The following AGTPBP1 variants were observed in gnomAD, a reference collection of about 807,000 sequenced individuals.
AGTPBP1 encodes the protein ATP/GTP binding carboxypeptidase 1, also known as cytosolic carboxypeptidase 1.
Under a neutral mutation model 143.9 loss-of-function variants are expected in AGTPBP1, and 70 were observed. The ratio of observed to expected loss-of-function variants is 0.49; its 90% CI spans 0.40 to 0.59. The LOEUF (loss-of-function observed/expected upper bound fraction) is 0.59. AGTPBP1 is among the 20% of genes least tolerant of loss of function. The pLI is 0.00. For missense variants in AGTPBP1, 1,229 were observed against 1,464.5 expected, an observed-to-expected ratio of 0.84 and a Z score of 2.62; for synonymous variants, 463 against 500.2, an observed-to-expected ratio of 0.93 and a Z score of 0.99.
At chr9:85,698,096 T>A (rs1379133115) in intron 2 of AGTPBP1, among the ~76,000 whole-genome samples, 1 of 152,196 alleles carries the variant, frequency 6.6e-6, no homozygotes, top group East Asian at 1.9e-4. Flanking sequence ...GTCATCTTTT[T>A]TTTTTGGCAA....
intron 25 of AGTPBP1, among the ~76,000 whole-genome samples, chr9:85,553,344 C>T (rs1014242821): frequency 1.3e-5 from 2 of 152,292 alleles, no homozygotes; most frequent in Admixed American, 1.3e-4. Context: ...CAAAACCATT[C>T]CGTTATTTCA....
At chr9:85,556,050 G>A (rs1826318852) in intron 25 of AGTPBP1, among the ~76,000 whole-genome samples, 1 of 152,072 alleles carries the variant, frequency 6.6e-6, no homozygotes, top group African/African-American at 2.4e-5. Flanking sequence ...TTAGTACCCA[G>A]GCGAGGAAAT....
chr9:85,734,078 CCT>C (rs1426515344), intron 1 of AGTPBP1, among the ~76,000 whole-genome samples: 1 of 152,068 alleles, frequency 6.6e-6, no homozygotes, highest in Non-Finnish European at 1.5e-5. Context: ...ATGGTGAAAC[CCT>C]GTCTCTACTA....
chr9:85,776,697 T>C, the AGTPBP1 span, among the ~76,000 whole-genome samples: 2 of 152,222 alleles, frequency 1.3e-5, no homozygotes, highest in South Asian at 4.1e-4. Flanking sequence ...GAGCCCAAAG[T>C]GTCCAGGTGG....
upstream of AGTPBP1, among the ~76,000 whole-genome samples, chr9:85,742,346 G>C (rs1824410996): frequency 6.6e-6 from 1 of 151,876 alleles, no homozygotes; most frequent in African/African-American, 2.4e-5. Flanking sequence ...CCGGAACTAA[G>C]CCCGCGCCCA....
At chr9:85,777,403 G>T in the AGTPBP1 span, among the ~76,000 whole-genome samples, 35 of 152,206 alleles carry the variant, frequency 2.3e-4, no homozygotes, top group African/African-American at 8.4e-4. Flanking sequence ...AGGGCTCAGT[G>T]TTGGTCTCTG....
At chr9:85,764,194 AC>A in the AGTPBP1 span, among the ~76,000 whole-genome samples, 28 of 150,794 alleles carry the variant, frequency 1.9e-4, no homozygotes, top group African/African-American at 6.1e-4. Flanking sequence ...GTTTAAATAG[AC>A]TTTTTTTTTT....
intron 17 of AGTPBP1, 24 bp downstream of exon 17, chr9:85,618,959 A>AT: frequency 6.3e-7 from 1 of 1,591,568 alleles, no homozygotes; most frequent in Non-Finnish European, 8.5e-7. Context: ...ATGCCATTTC[A>AT]ATTGGGAAAG....
chr9:85,648,339 G>A (rs1832943260), intron 11 of AGTPBP1, among the ~76,000 whole-genome samples: 1 of 152,036 alleles, frequency 6.6e-6, no homozygotes, highest in Non-Finnish European at 1.5e-5. Context: ...AACTAATACA[G>A]GTACAAATAT....
At chr9:85,765,344 G>A in the AGTPBP1 span, among the ~76,000 whole-genome samples, 1 of 152,078 alleles carries the variant, frequency 6.6e-6, no homozygotes, top group Non-Finnish European at 1.5e-5. Flanking sequence ...AAGGAATTAG[G>A]GGTTAATTCT....
At chr9:85,692,401 G>A (rs1835937658) in intron 3 of AGTPBP1, among the ~76,000 whole-genome samples, 1 of 151,710 alleles carries the variant, frequency 6.6e-6, no homozygotes, top group Non-Finnish European at 1.5e-5. Context: ...AGCCTCCCGA[G>A]TAACTGGGAT....
chr9:85,597,824 C>A (rs1429222398), intron 17 of AGTPBP1, among the ~76,000 whole-genome samples: 2 of 152,082 alleles, frequency 1.3e-5, no homozygotes, highest in Non-Finnish European at 2.9e-5. Flanking sequence ...GTTGAACTAT[C>A]TTTGCATTCT....
At position 85,602,719 on chromosome 9, in the gene AGTPBP1, C is replaced by G. The variant is rs117689980; in HGVS notation, c.2336-6270G>C. ...ACGCAAGAAAGCACCTTTTTAAGAA[C>G]CAAAAATTAGGTGAGCGATCATACC... On this transcript the variant is annotated intron_variant, in intron 17 of 25. Coordinates refer to ENST00000357081, the MANE Select transcript of AGTPBP1 (RefSeq NM_001330701.2). Among the ~76,000 whole-genome samples the G allele has an allele frequency of 9.2e-5, 14 of 152,132 alleles. No individual in the cohort carries two copies. The East Asian group carries it at 2.7e-3, about 29-fold the overall frequency.
chr9:85,767,839 G>GT, the AGTPBP1 span, among the ~76,000 whole-genome samples: 44 of 152,242 alleles, frequency 2.9e-4, 3 homozygotes, highest in South Asian at 9.1e-3. Context: ...GTTGTTGTTA[G>GT]TTTTTTGTTT....
intron 25 of AGTPBP1, among the ~76,000 whole-genome samples, chr9:85,566,029 T>C (rs976471120): frequency 6.6e-6 from 1 of 152,234 alleles, no homozygotes; most frequent in African/African-American, 2.4e-5. Context: ...TTCAATTGAA[T>C]TTTTAAATCT....
intron 11 of AGTPBP1, among the ~76,000 whole-genome samples, chr9:85,648,367 A>G (rs1211569048): frequency 6.6e-6 from 1 of 152,166 alleles, no homozygotes; most frequent in African/African-American, 2.4e-5. Flanking sequence ...AATCACCTCA[A>G]ATTCTTAGAT....
intron 2 of AGTPBP1, among the ~76,000 whole-genome samples, chr9:85,704,993 T>A (rs1836891279): frequency 6.6e-6 from 1 of 151,060 alleles, no homozygotes; most frequent in Admixed American, 6.6e-5. Flanking sequence ...ATAAAAAGTA[T>A]CCAAAATAAA....
intron 9 of AGTPBP1, among the ~76,000 whole-genome samples, chr9:85,660,660 G>A (rs1429922805): frequency 6.6e-6 from 1 of 151,832 alleles, no homozygotes; most frequent in Non-Finnish European, 1.5e-5. Context: ...CTCTACTAAT[G>A]GATTTTTATG....
chr9:85,646,823 G>T (rs986430353), intron 11 of AGTPBP1, among the ~76,000 whole-genome samples: 19 of 152,072 alleles, frequency 1.2e-4, no homozygotes, highest in African/African-American at 4.3e-4. Flanking sequence ...TTTTTCAAAA[G>T]ATGTGTAAAT....
Sources: allele counts gnomAD v4.1 joint callset (sites outside exome capture counted in the v4.1 genomes callset), GRCh38; gene constraint gnomAD v4.1.1; transcripts MANE v1.5; gene names NCBI Gene and HGNC (gene_info 2026-07-23, HGNC 2026-07-21).